Variants in MCU observed in about 807,000 individuals in gnomAD.
MCU encodes mitochondrial calcium uniporter.
Under a neutral mutation model 45.2 loss-of-function variants are expected in MCU, and 12 were observed. The ratio of observed to expected loss-of-function variants is 0.27; its 90% CI spans 0.17 to 0.43. MCU has a LOEUF of 0.43. Among genes scored for constraint, MCU ranks in the 20% least tolerant of loss-of-function variants. The probability of loss-of-function intolerance (pLI) is 1.00; values close to 1 mark genes in which losing one functional copy is unlikely to be tolerated. For synonymous variants in MCU, 160 were observed against 165.1 expected (o/e 0.97, Z 0.24); for missense variants, 324 against 436.7 (o/e 0.74, Z 2.30).
Position 72,763,362 on chromosome 10 carries a change from G to A in MCU, c.151-70997G>A, listed in dbSNP as rs1391257898. ...AGGAGCCCAGGAAAAGCTTCGAGGA[G>A]CAGATCAGCTGGGTCTCAAACTGGG... On this transcript the variant is annotated intron_variant, in intron 1 of 7. Coordinates refer to ENST00000373053, the MANE Select transcript of MCU (RefSeq NM_138357.3). Among the ~76,000 whole-genome samples the A allele has an allele frequency of 2.0e-5, 3 of 152,220 alleles. No homozygotes were observed. In the East Asian group the frequency reaches 5.8e-4, roughly 29 times the overall value.
chr10:72,824,100 T>C (rs1216818771), intron 1 of MCU, among the ~76,000 whole-genome samples: 1 of 152,052 alleles, frequency 6.6e-6, no homozygotes, highest in South Asian at 2.1e-4. Context: ...AATCTCCAAT[T>C]AATGGAATGT....
chr10:72,810,486 T>TTG (rs1491013958), intron 1 of MCU, among the ~76,000 whole-genome samples: 2 of 90,954 alleles, frequency 2.2e-5, no homozygotes, highest in East Asian at 2.0e-4. Context: ...TTTTTTTTTT[T>TTG]GACGGAGTTT....
chr10:72,707,459 A>G (rs1842837958), intron 1 of MCU, among the ~76,000 whole-genome samples: 1 of 152,138 alleles, frequency 6.6e-6, no homozygotes, highest in Non-Finnish European at 1.5e-5. Context: ...TCGGCCTCCC[A>G]AAGTCTGGGA....
intron 4 of MCU, among the ~76,000 whole-genome samples, chr10:72,861,370 C>T (rs1211416883): frequency 2.6e-5 from 4 of 151,738 alleles, no homozygotes; most frequent in Non-Finnish European, 5.9e-5. Context: ...TTCTCAGACA[C>T]AAATTGTAAG....
intron 6 of MCU, among the ~76,000 whole-genome samples, chr10:72,877,198 G>T (rs1255033107): frequency 6.6e-6 from 1 of 152,148 alleles, no homozygotes; most frequent in Non-Finnish European, 1.5e-5. Context: ...AGGATTACAG[G>T]CATGAGCCAC....
At chr10:72,840,345 GTC>G (rs2132843360) in intron 2 of MCU, among the ~76,000 whole-genome samples, 1 of 152,292 alleles carries the variant, frequency 6.6e-6, no homozygotes, top group Admixed American at 6.5e-5. Flanking sequence ...TTAGTGAAGT[GTC>G]TATTCAAAGG....
intron 1 of MCU, among the ~76,000 whole-genome samples, chr10:72,714,345 C>CTTTTTTTTTTTGTTTTTTT (rs1842932150): frequency 1.8e-5 from 1 of 54,768 alleles, no homozygotes; most frequent in Non-Finnish European, 4.0e-5. Flanking sequence ...CCGCCCTGGT[C>CTTTTTTTTTTTGTTTTTTT]TTTTTTTTTT....
intron 6 of MCU, among the ~76,000 whole-genome samples, chr10:72,876,921 G>GTTTTT (rs11365046): frequency 7.5e-6 from 1 of 134,188 alleles, no homozygotes. Flanking sequence ...TCAAATCACA[G>GTTTTT]TTTTTTTTTT....
At chr10:72,825,557 A>G (rs1366205801) in intron 1 of MCU, among the ~76,000 whole-genome samples, 1 of 152,228 alleles carries the variant, frequency 6.6e-6, no homozygotes, top group African/African-American at 2.4e-5. Flanking sequence ...AAGGAAGCAG[A>G]GAGAGAAATT....
At chr10:72,821,909 C>G (rs1164844663) in intron 1 of MCU, among the ~76,000 whole-genome samples, 2 of 152,174 alleles carry the variant, frequency 1.3e-5, no homozygotes, top group Non-Finnish European at 2.9e-5. Flanking sequence ...AGTATGTTCT[C>G]TAACCACAGT....
chr10:72,728,091 A>T (rs575882544), intron 1 of MCU, among the ~76,000 whole-genome samples: 3 of 152,278 alleles, frequency 2.0e-5, no homozygotes, highest in Admixed American at 6.5e-5. Context: ...TGAGTATGAG[A>T]TGCCACTGCT....
chr10:72,842,564 A>G (rs1845063652), intron 2 of MCU, among the ~76,000 whole-genome samples: 1 of 152,206 alleles, frequency 6.6e-6, no homozygotes, highest in Non-Finnish European at 1.5e-5. Flanking sequence ...TTCCAAAACT[A>G]GGGCAGTATG....
intron 1 of MCU, among the ~76,000 whole-genome samples, chr10:72,706,008 T>C (rs1177312132): frequency 6.6e-6 from 1 of 152,098 alleles, no homozygotes; most frequent in East Asian, 1.9e-4. Context: ...ATATTCTGTT[T>C]ATTATATGTT....
At chr10:72,806,306 C>T (rs1346143527) in intron 1 of MCU, among the ~76,000 whole-genome samples, 2 of 152,056 alleles carry the variant, frequency 1.3e-5, no homozygotes, top group Non-Finnish European at 2.9e-5. Flanking sequence ...TACAGGCATG[C>T]ACCACCACAC....
chr10:72,814,155 T>C (rs964798528), intron 1 of MCU, among the ~76,000 whole-genome samples: 7 of 152,228 alleles, frequency 4.6e-5, no homozygotes, highest in Non-Finnish European at 7.3e-5. Flanking sequence ...CAAGGGACTT[T>C]AGTAATGGTC....
At chr10:72,815,553 T>G (rs1356623900) in intron 1 of MCU, among the ~76,000 whole-genome samples, 1 of 152,200 alleles carries the variant, frequency 6.6e-6, no homozygotes, top group Non-Finnish European at 1.5e-5. Flanking sequence ...GCTTTCTCTT[T>G]AGCAAGAAAC....
chr10:72,756,480 A>G (rs556643416), intron 1 of MCU: 1 of 152,258 alleles, frequency 6.6e-6, no homozygotes, highest in South Asian at 2.1e-4. Context: ...TCATTAGCCA[A>G]TTTGGGGGGC....
At chr10:72,795,288 C>T (rs1018513130) in intron 1 of MCU, among the ~76,000 whole-genome samples, 16 of 152,290 alleles carry the variant, frequency 1.1e-4, no homozygotes, top group African/African-American at 2.9e-4. Flanking sequence ...GCCCACCCTG[C>T]CTCCACCTGC....
At chr10:72,845,464 A>C (rs1385254975) in intron 2 of MCU, among the ~76,000 whole-genome samples, 1 of 152,180 alleles carries the variant, frequency 6.6e-6, no homozygotes, top group Non-Finnish European at 1.5e-5. Flanking sequence ...ACAATGGGCC[A>C]CATATGTGAT....
Sources: allele counts gnomAD v4.1 joint callset (sites outside exome capture counted in the v4.1 genomes callset), GRCh38; gene constraint gnomAD v4.1.1; transcripts MANE v1.5; gene names NCBI Gene and HGNC (gene_info 2026-07-23, HGNC 2026-07-21).